PTPRG: variants seen among roughly 807,000 people sequenced by gnomAD.
PTPRG encodes protein tyrosine phosphatase receptor type G, also known as receptor-type tyrosine-protein phosphatase gamma.
Under a neutral mutation model 165.3 loss-of-function variants are expected in PTPRG, and 102 were observed. The observed-to-expected ratio is 0.62, with a 90% CI of 0.53 to 0.73. PTPRG has a LOEUF of 0.73. PTPRG is among the 30% of genes least tolerant of loss of function. The probability of loss-of-function intolerance (pLI) is 0.00; values close to 1 mark genes in which losing one functional copy is unlikely to be tolerated. For synonymous variants in PTPRG, 675 were observed against 669.5 expected, an observed-to-expected ratio of 1.01 and a Z score of -0.13; for missense variants, 1,866 against 1,861.4, an observed-to-expected ratio of 1.00 and a Z score of -0.05.
intron 13 of PTPRG, among the ~76,000 whole-genome samples, chr3:62,226,463 C>T (rs1389049946): frequency 6.6e-6 from 1 of 152,232 alleles, no homozygotes; most frequent in African/African-American, 2.4e-5. Flanking sequence ...CACTCAGTTA[C>T]ATCTCCATTA....
chr3:62,131,395 A>G (rs1441361716), intron 5 of PTPRG, among the ~76,000 whole-genome samples: 1 of 152,198 alleles, frequency 6.6e-6, no homozygotes, highest in Admixed American at 6.5e-5. Context: ...ATTGTCAGAG[A>G]GGACACACTA....
intron 1 of PTPRG, among the ~76,000 whole-genome samples, chr3:61,609,520 C>T (rs1284818243): frequency 6.6e-6 from 1 of 152,218 alleles, no homozygotes; most frequent in African/African-American, 2.4e-5. Context: ...ACTACAAGCA[C>T]TCTACATCTC....
At chr3:61,759,096 C>T (rs2033741326) in intron 2 of PTPRG, among the ~76,000 whole-genome samples, 2 of 152,166 alleles carry the variant, frequency 1.3e-5, no homozygotes, top group African/African-American at 4.8e-5. Context: ...TCACTTCTCT[C>T]TCTCAGCTGG....
chr3:62,101,692 A>G (rs1203953639), intron 5 of PTPRG, among the ~76,000 whole-genome samples: 4 of 152,248 alleles, frequency 2.6e-5, no homozygotes, highest in Admixed American at 2.0e-4. Flanking sequence ...GCCTGTGAAT[A>G]AAATCCAGAT....
At chr3:61,798,478 C>T (rs954291928) in intron 2 of PTPRG, among the ~76,000 whole-genome samples, 4 of 152,188 alleles carry the variant, frequency 2.6e-5, no homozygotes, top group Non-Finnish European at 5.9e-5. Context: ...CACTTGCCAA[C>T]TCACTATGCT....
intron 5 of PTPRG, among the ~76,000 whole-genome samples, chr3:62,113,640 T>C (rs1702750536): frequency 6.6e-6 from 1 of 152,212 alleles, no homozygotes; most frequent in South Asian, 2.1e-4. Context: ...CATGAGGGAC[T>C]ATTAAGGAAA....
chr3:61,695,245 G>A (rs1011788821), intron 1 of PTPRG, among the ~76,000 whole-genome samples: 12 of 152,104 alleles, frequency 7.9e-5, no homozygotes, highest in Admixed American at 2.0e-4. Flanking sequence ...TCCCGACCTC[G>A]GGTGATCCAC....
At chr3:61,676,471 A>AAAGAAAAAAAAAAAAAAAAAAAAAAAAAG (rs1553648155) in intron 1 of PTPRG, among the ~76,000 whole-genome samples, 1 of 99,022 alleles carries the variant, frequency 1.0e-5, no homozygotes, top group Non-Finnish European at 2.3e-5. Flanking sequence ...AAAAAAAAAA[A>AAAGAAAAAAAAAAAAAAAAAAAAAAAAAG]AAAGAAAATT....
chr3:61,926,765 A>G (rs910649662), intron 2 of PTPRG, among the ~76,000 whole-genome samples: 2 of 151,996 alleles, frequency 1.3e-5, no homozygotes, highest in African/African-American at 4.8e-5. Context: ...TTTAATCCAC[A>G]TCTTAGTACA....
At chr3:62,144,160 CTTATGTG>C (rs1189228773) in intron 6 of PTPRG, among the ~76,000 whole-genome samples, 1 of 152,194 alleles carries the variant, frequency 6.6e-6, no homozygotes, top group Non-Finnish European at 1.5e-5. Context: ...CCTGCACCAC[CTTATGTG>C]TTTAATCTCT....
chr3:61,787,831 A>C (rs577553625), intron 2 of PTPRG, among the ~76,000 whole-genome samples: 1 of 152,106 alleles, frequency 6.6e-6, no homozygotes, highest in African/African-American at 2.4e-5. Flanking sequence ...ACATTTGTGA[A>C]CATGACGGCT....
At chr3:62,077,072 C>T (rs1701412709) in intron 4 of PTPRG, among the ~76,000 whole-genome samples, 1 of 152,060 alleles carries the variant, frequency 6.6e-6, no homozygotes, top group African/African-American at 2.4e-5. Context: ...TTGAAACCAG[C>T]CTGGACAACA....
intron 2 of PTPRG, among the ~76,000 whole-genome samples, chr3:61,907,635 A>AT (rs1264243604): frequency 6.6e-6 from 1 of 152,226 alleles, no homozygotes; most frequent in East Asian, 1.9e-4. Flanking sequence ...CATAAGCAAA[A>AT]TGCAGACAAA....
chr3:62,236,586 A>C (rs1701038914), intron 14 of PTPRG, among the ~76,000 whole-genome samples: 1 of 152,226 alleles, frequency 6.6e-6, no homozygotes, highest in African/African-American at 2.4e-5. Flanking sequence ...GCAGCAGCTC[A>C]GCTAACTGCC....
At chr3:62,019,585 G>T (rs1393789775) in intron 4 of PTPRG, among the ~76,000 whole-genome samples, 1 of 151,868 alleles carries the variant, frequency 6.6e-6, no homozygotes, top group East Asian at 1.9e-4. Flanking sequence ...GTATAACAGG[G>T]TGATTATAAT....
intron 4 of PTPRG, among the ~76,000 whole-genome samples, chr3:62,068,780 T>A (rs1287177874): frequency 6.6e-6 from 1 of 152,178 alleles, no homozygotes; most frequent in African/African-American, 2.4e-5. Context: ...ATAGCCCTAG[T>A]GTGCACCTTA....
In PTPRG at chr3:61,623,178, A is replaced by G. The variant is rs918288034; in HGVS notation, c.85+60806A>G. ...TTTTTGCTCAGGGTCTAAGAATCGT[A>G]AGATACCAAACCTTGGAAGGGGCAG... On this transcript the variant is annotated intron_variant, in intron 1 of 29. Transcript: ENST00000474889. 2.6e-5 allele frequency among the ~76,000 whole-genome samples: 4 copies of G among 152,324 alleles called. No individual in the cohort carries two copies. In the South Asian group the frequency reaches 6.2e-4, roughly 24 times the overall value.
chr3:61,939,828 C>A (rs193249134), intron 2 of PTPRG, among the ~76,000 whole-genome samples: 3 of 151,328 alleles, frequency 2.0e-5, no homozygotes, highest in East Asian at 1.9e-4. Context: ...AATGTCCACC[C>A]ATGTTTGATG....
At chr3:61,881,541 GCTC>G (rs560033363) in intron 2 of PTPRG, among the ~76,000 whole-genome samples, 1 of 152,176 alleles carries the variant, frequency 6.6e-6, no homozygotes, top group Non-Finnish European at 1.5e-5. Context: ...AGATCTGAAA[GCTC>G]CTGTTTTCTA....
Sources: gnomAD v4.1 joint callset for allele counts (sites outside exome capture counted in the v4.1 genomes callset) on GRCh38, gnomAD v4.1.1 for gene constraint, MANE v1.5 for transcripts, NCBI Gene and HGNC (gene_info 2026-07-23, HGNC 2026-07-21) for gene names.